Variants in RGS6 observed in about 807,000 individuals in gnomAD.
RGS6 encodes regulator of G protein signaling 6, also known as regulator of G-protein signaling 6.
RGS6 carries 30 observed loss-of-function variants against 78.5 expected under a neutral mutation model. That is an observed-to-expected ratio of 0.38 (90% CI 0.29 to 0.52). The LOEUF is 0.52. Ranked by LOEUF, RGS6 falls within the 20% of genes least tolerant of loss-of-function variation. The probability of loss-of-function intolerance (pLI) is 0.85; values close to 1 mark genes in which losing one functional copy is unlikely to be tolerated. For missense variants in RGS6, 495 were observed against 609.7 expected (o/e 0.81, Z 1.98); for synonymous variants, 206 against 206.0 (o/e 1.00, Z 0.00).
At chr14:71,906,702 A>G in the RGS6 span, among the ~76,000 whole-genome samples, 6 of 152,230 alleles carry the variant, frequency 3.9e-5, no homozygotes, top group African/African-American at 1.4e-4. Context: ...GGTATATACA[A>G]GGTCTTCCAT....
intron 2 of RGS6, among the ~76,000 whole-genome samples, chr14:72,003,953 C>T (rs2084004985): frequency 6.6e-6 from 1 of 152,154 alleles, no homozygotes; most frequent in Admixed American, 6.6e-5. Context: ...AGCTAAGAGC[C>T]AGCAGCTGAG....
chr14:72,100,983 A>G (rs2095516869), intron 2 of RGS6, among the ~76,000 whole-genome samples: 1 of 152,142 alleles, frequency 6.6e-6, no homozygotes, highest in South Asian at 2.1e-4. Context: ...ACATGACAAA[A>G]CCCTGTCTCT....
intron 2 of RGS6, among the ~76,000 whole-genome samples, chr14:72,051,796 T>A (rs2093262450): frequency 6.6e-6 from 1 of 152,220 alleles, no homozygotes; most frequent in Non-Finnish European, 1.5e-5. Flanking sequence ...TCTGTTCTTA[T>A]CACTAAGTCA....
rs868717261 is a variant in RGS6 at position 72,119,364 on chromosome 14, T to C, written c.84+154489T>C. Among the ~76,000 whole-genome samples, 16 of 152,314 alleles carry C rather than the reference T, an allele frequency of 1.1e-4. No homozygotes were observed. The Middle Eastern group carries it at 0.017, about 162-fold the overall frequency. Reference sequence around the variant, plus strand: ...AGTTTCATAGGAAACCATACCCCACTGGTCATAAGAGACATTCACCAATAG... The same window carrying C: ...AGTTTCATAGGAAACCATACCCCACCGGTCATAAGAGACATTCACCAATAG... On this transcript the variant is annotated intron_variant, in intron 2 of 17. Transcript: ENST00000553525.
intron 3 of RGS6, among the ~76,000 whole-genome samples, chr14:72,413,610 T>C (rs1481462670): frequency 6.6e-6 from 1 of 152,210 alleles, no homozygotes; most frequent in African/African-American, 2.4e-5. Context: ...CCTGTTATTA[T>C]GATGTTAGCT....
the RGS6 span, among the ~76,000 whole-genome samples, chr14:72,574,921 A>G: frequency 6.6e-6 from 1 of 152,258 alleles, no homozygotes; most frequent in African/African-American, 2.4e-5. Flanking sequence ...GTGAGGGTGC[A>G]GAGAGGGAAA....
intron 3 of RGS6, among the ~76,000 whole-genome samples, chr14:72,437,256 G>T (rs551435402): frequency 2.1e-5 from 3 of 144,566 alleles, no homozygotes; most frequent in African/African-American, 7.6e-5. Context: ...CAGGAGAATC[G>T]CTTGAACCCA....
intron 2 of RGS6, among the ~76,000 whole-genome samples, chr14:72,223,708 A>T (rs1323291062): frequency 6.6e-6 from 1 of 152,230 alleles, no homozygotes; most frequent in Admixed American, 6.5e-5. Flanking sequence ...TTACCCAGAG[A>T]TGCAATGGGG....
At chr14:72,595,671 T>C in the RGS6 span, among the ~76,000 whole-genome samples, 1 of 152,242 alleles carries the variant, frequency 6.6e-6, no homozygotes, top group East Asian at 1.9e-4. Flanking sequence ...ATGGTGCCTG[T>C]GTTTACACTT....
intron 10 of RGS6, among the ~76,000 whole-genome samples, chr14:72,475,864 G>A (rs76369709): frequency 5.6e-5 from 7 of 124,872 alleles, no homozygotes; most frequent in African/African-American, 1.9e-4. Flanking sequence ...TAGACATGGC[G>A]TATGTATATA....
chr14:71,884,059 T>C, the RGS6 span, among the ~76,000 whole-genome samples: 1 of 152,236 alleles, frequency 6.6e-6, no homozygotes, highest in Non-Finnish European at 1.5e-5. Flanking sequence ...CTTTACTCTA[T>C]GGATTTGCCT....
At chr14:72,110,503 G>A (rs1276485720) in intron 2 of RGS6, among the ~76,000 whole-genome samples, 1 of 152,154 alleles carries the variant, frequency 6.6e-6, no homozygotes. Context: ...AAAGTCTACT[G>A]TGTCTAATGG....
chr14:72,490,693 G>T (rs970615240), intron 12 of RGS6, among the ~76,000 whole-genome samples: 1 of 152,164 alleles, frequency 6.6e-6, no homozygotes, highest in Non-Finnish European at 1.5e-5. Flanking sequence ...TTTCAACTGG[G>T]ACCACTGCTG....
chr14:72,029,089 C>T (rs1240648636), intron 2 of RGS6, among the ~76,000 whole-genome samples: 2 of 152,170 alleles, frequency 1.3e-5, no homozygotes, highest in Non-Finnish European at 2.9e-5. Flanking sequence ...TGAACGTGGA[C>T]ATTGCTTGTA....
chr14:71,944,752 G>A (rs532941878), intron 1 of RGS6, among the ~76,000 whole-genome samples: 15 of 152,280 alleles, frequency 9.9e-5, no homozygotes, highest in South Asian at 2.1e-4. Flanking sequence ...ATACAGTCAC[G>A]TGTCACTTAA....
chr14:72,059,713 C>T lies in RGS6; in HGVS notation c.84+94838C>T, dbSNP rs552669420. ...TGGGAGGTGGGTAAGGTTAGATTAG[C>T]TCATGATGGTGGGACCCTCTTGATG... On this transcript the variant is annotated intron_variant, in intron 2 of 17. Transcript: ENST00000553525. 4.6e-5 allele frequency among the ~76,000 whole-genome samples: 7 copies of T among 152,182 alleles called. No homozygotes were observed. The South Asian group carries it at 1.5e-3, about 32-fold the overall frequency.
At chr14:72,389,414 C>A (rs1363406883) in intron 3 of RGS6, among the ~76,000 whole-genome samples, 2 of 152,172 alleles carry the variant, frequency 1.3e-5, no homozygotes, top group African/African-American at 4.8e-5. Flanking sequence ...TTTGTCCTCA[C>A]CCGGCTGCTC....
chr14:72,124,230 C>A (rs1050447903), intron 2 of RGS6, among the ~76,000 whole-genome samples: 1 of 152,044 alleles, frequency 6.6e-6, no homozygotes, highest in Non-Finnish European at 1.5e-5. Flanking sequence ...TGTGAGCTTT[C>A]GATATTAGTT....
chr14:72,410,884 T>C (rs1442224595), intron 3 of RGS6, among the ~76,000 whole-genome samples: 14 of 152,216 alleles, frequency 9.2e-5, no homozygotes, highest in Admixed American at 7.2e-4. Context: ...GTTGTAGATA[T>C]GCAGCATTAT....
Sources: allele counts gnomAD v4.1 joint callset (sites outside exome capture counted in the v4.1 genomes callset), GRCh38; gene constraint gnomAD v4.1.1; transcripts MANE v1.5; gene names NCBI Gene and HGNC (gene_info 2026-07-23, HGNC 2026-07-21).